The following GPR141 variants were observed in gnomAD, a reference collection of about 807,000 sequenced individuals.
GPR141 encodes the protein G protein-coupled receptor 141, also known as probable G protein-coupled receptor 141.
Under a neutral mutation model 6.8 loss-of-function variants are expected in GPR141, and 6 were observed. The observed-to-expected ratio is 0.88, with a 90% CI of 0.48 to 1.74. The LOEUF (loss-of-function observed/expected upper bound fraction) is 1.74. GPR141 is among the 40% of genes most tolerant of loss of function. The pLI is 0.01. For missense variants in GPR141, 372 were observed against 372.9 expected (o/e 1.00, Z 0.02); for synonymous variants, 140 against 142.3 (o/e 0.98, Z 0.11).
At chr7:37,710,525 A>ACC (rs1383694529) in intron 2 of GPR141, among the ~76,000 whole-genome samples, 1 of 152,240 alleles carries the variant, frequency 6.6e-6, no homozygotes, top group Non-Finnish European at 1.5e-5. Flanking sequence ...TAAAATTGCC[A>ACC]AATAGCCAAC....
intron 2 of GPR141, among the ~76,000 whole-genome samples, chr7:37,729,120 G>A (rs1281304778): frequency 6.6e-6 from 1 of 152,164 alleles, no homozygotes; most frequent in Non-Finnish European, 1.5e-5. Context: ...GGTGTCCCTT[G>A]AAATAGAAGC....
In GPR141 at chr7:37,742,278, T is replaced by G. The variant is rs567636219; in HGVS notation, c.*967T>G. ...TATATTTAAATTATACCTTAAGTTC[T>G]GGGGTACATGTGCAGAATGTGCAGG... On this transcript the variant is annotated 3_prime_UTR_variant, in exon 3 of 3. Transcript: ENST00000334425. Among the ~76,000 whole-genome samples, 2 of 152,128 alleles carry G rather than the reference T, an allele frequency of 1.3e-5. No homozygotes were observed. The highest frequency in any genetic ancestry group is 3.9e-4 in the East Asian group (2 of 5,192).
chr7:37,712,468 A>G (rs1379101742), intron 2 of GPR141, among the ~76,000 whole-genome samples: 1 of 152,098 alleles, frequency 6.6e-6, no homozygotes, highest in Non-Finnish European at 1.5e-5. Context: ...CCTACTGAAT[A>G]TTGCTTCTGT....
At chr7:37,713,654 AT>A (rs1810913372) in intron 2 of GPR141, 1 of 152,152 alleles carries the variant, frequency 6.6e-6, no homozygotes. Flanking sequence ...CAGACTCTAT[AT>A]CTGCAATTGT....
At chr7:37,721,653 A>AT (rs1404601238) in intron 2 of GPR141, among the ~76,000 whole-genome samples, 11 of 152,226 alleles carry the variant, frequency 7.2e-5, no homozygotes, top group Non-Finnish European at 1.3e-4. Context: ...TCCTCCCTAG[A>AT]TTTTTTGTTG....
chr7:37,740,333 A>G, intron 2 of GPR141, 47 bp from the exon 3 acceptor site: 1 of 1,221,552 alleles, frequency 8.2e-7, no homozygotes, highest in East Asian at 2.3e-5. Context: ...AGATAGGAAC[A>G]AAGCTCTGAA....
At chr7:37,731,319 C>A (rs1170445358) in intron 2 of GPR141, among the ~76,000 whole-genome samples, 1 of 152,206 alleles carries the variant, frequency 6.6e-6, no homozygotes, top group Non-Finnish European at 1.5e-5. Context: ...TTGTCCAGCT[C>A]TGCTGGTCGG....
intron 2 of GPR141, among the ~76,000 whole-genome samples, chr7:37,730,359 A>T (rs1297088192): frequency 6.6e-6 from 1 of 152,190 alleles, no homozygotes; most frequent in Non-Finnish European, 1.5e-5. Flanking sequence ...CAAACAGTCT[A>T]TCCTGGGCAC....
chr7:37,712,739 G>A lies in GPR141; in HGVS notation c.-15+27156G>A, dbSNP rs200111363. 2.6e-5 allele frequency among the ~76,000 whole-genome samples: 4 copies of A among 152,212 alleles called. No homozygotes were observed. The East Asian group carries it at 7.7e-4, about 29-fold the overall frequency. On this transcript the variant is annotated intron_variant, in intron 2 of 2. Coordinates refer to ENST00000334425, the MANE Select transcript of GPR141 (RefSeq NM_001381946.1). ...TTTAGTTAGCTACTGCCAGCAAAAT[G>A]CCACCTAATAAGTTTATCCCAAGAC...
At chr7:37,702,782 A>T (rs901278324) in intron 2 of GPR141, among the ~76,000 whole-genome samples, 26 of 139,078 alleles carry the variant, frequency 1.9e-4, no homozygotes, top group East Asian at 1.0e-3. Flanking sequence ...ATAAAAAAAT[A>T]AAAAATTAAA....
intron 2 of GPR141, among the ~76,000 whole-genome samples, chr7:37,718,531 G>T (rs994615965): frequency 4.3e-4 from 64 of 150,238 alleles, no homozygotes; most frequent in Non-Finnish European, 3.7e-4. Context: ...AAGAAAGGAA[G>T]GAAGGAAGGA....
intron 2 of GPR141, among the ~76,000 whole-genome samples, chr7:37,726,782 A>G (rs934818846): frequency 6.6e-6 from 1 of 152,208 alleles, no homozygotes; most frequent in East Asian, 1.9e-4. Flanking sequence ...CAATTCTATT[A>G]TTTAATCTGC....
At chr7:37,689,037 T>G (rs1809641069) in intron 2 of GPR141, among the ~76,000 whole-genome samples, 1 of 152,172 alleles carries the variant, frequency 6.6e-6, no homozygotes, top group African/African-American at 2.4e-5. Context: ...ACTAAAACTC[T>G]TTACTCATTA....
At chr7:37,691,246 CT>C (rs375372143) in intron 2 of GPR141, among the ~76,000 whole-genome samples, 38,290 of 97,882 alleles carry the variant, frequency 0.39, 6,731 homozygotes, top group Middle Eastern at 0.47. Context: ...TAGTTGGGTC[CT>C]TTTTTTTTTT....
intron 2 of GPR141, among the ~76,000 whole-genome samples, chr7:37,698,018 G>A (rs1810102427): frequency 6.6e-6 from 1 of 152,180 alleles, no homozygotes; most frequent in Non-Finnish European, 1.5e-5. Context: ...GGCAGCATGG[G>A]ATACATACAG....
At chr7:37,725,432 G>C (rs566801431) in intron 2 of GPR141, among the ~76,000 whole-genome samples, 1 of 152,252 alleles carries the variant, frequency 6.6e-6, no homozygotes, top group South Asian at 2.1e-4. Context: ...AGGGCTCCTG[G>C]TTCCTGGCAC....
intron 2 of GPR141, among the ~76,000 whole-genome samples, chr7:37,736,921 A>T (rs960543396): frequency 2.0e-5 from 3 of 152,216 alleles, no homozygotes; most frequent in African/African-American, 7.2e-5. Context: ...TTGAATGTTA[A>T]TGATACAATA....
intron 2 of GPR141, chr7:37,713,510 A>G (rs570451746): frequency 6.6e-6 from 1 of 152,296 alleles, no homozygotes; most frequent in East Asian, 1.9e-4. Flanking sequence ...TAGTCAATGT[A>G]TCCAAATCTG....
intron 2 of GPR141, among the ~76,000 whole-genome samples, chr7:37,722,537 C>T (rs6966787): frequency 0.6 from 91,020 of 151,502 alleles, 27,712 homozygotes; most frequent in South Asian, 0.77. Flanking sequence ...GCCTGGCCAA[C>T]ATGGTGAAAC....
Sources: allele counts gnomAD v4.1 joint callset (sites outside exome capture counted in the v4.1 genomes callset), GRCh38; gene constraint gnomAD v4.1.1; transcripts MANE v1.5; gene names NCBI Gene and HGNC (gene_info 2026-07-23, HGNC 2026-07-21).